The following HAS2 variants were observed in gnomAD, a reference collection of about 807,000 sequenced individuals.
HAS2 encodes the protein hyaluronan synthase 2, also known as HA synthase 2.
HAS2 carries 16 observed loss-of-function variants against 51.6 expected under a neutral mutation model. That is an observed-to-expected ratio of 0.31 (90% CI 0.21 to 0.47). HAS2 has a LOEUF of 0.47. Ranked by LOEUF, HAS2 falls within the 20% of genes least tolerant of loss-of-function variation. HAS2 has a pLI of 1.00. For synonymous variants in HAS2, 228 were observed against 235.5 expected, an observed-to-expected ratio of 0.97 and a Z score of 0.29; for missense variants, 361 against 662.6, an observed-to-expected ratio of 0.54 and a Z score of 5.00.
chr8:121,618,499 A>G (rs1812735766), intron 2 of HAS2, among the ~76,000 whole-genome samples: 1 of 152,190 alleles, frequency 6.6e-6, no homozygotes, highest in Non-Finnish European at 1.5e-5. Flanking sequence ...AAGGAATGAA[A>G]ACAGCTGGAA....
chr8:121,626,507 T>C (rs1053485821), intron 2 of HAS2, among the ~76,000 whole-genome samples: 1 of 152,194 alleles, frequency 6.6e-6, no homozygotes, highest in African/African-American at 2.4e-5. Flanking sequence ...TCTTGTGTAT[T>C]ACCACCTGAA....
Position 121,628,701 on chromosome 8 carries a change from T to G in HAS2, c.627+13A>C, listed in dbSNP as rs1812887187. On this transcript the variant is annotated intron_variant, in intron 2 of 3. Transcript: ENST00000303924. ...AAATGTATGTTTGCCCTGGCAGGAA[T>G]GTGGAGACCTACCTGTACATAATCC... 1 of 1,607,256 alleles carries G rather than the reference T, an allele frequency of 6.2e-7. No individual in the cohort carries two copies. The highest frequency in any genetic ancestry group is 1.3e-5 in the African/African-American group (1 of 74,650).
chr8:121,628,263 T>C (rs1469371719), intron 2 of HAS2, among the ~76,000 whole-genome samples: 1 of 152,158 alleles, frequency 6.6e-6, no homozygotes, highest in Non-Finnish European at 1.5e-5. Context: ...TTGCCTCATT[T>C]TGCAGTCTCT....
chr8:121,639,436 CG>C (rs1723808546), intron 1 of HAS2: 1 of 152,636 alleles, frequency 6.6e-6, no homozygotes, highest in Non-Finnish European at 1.5e-5. Flanking sequence ...CGTTCCCTCC[CG>C]TAGCTGGGCT....
chr8:121,613,937 A>G lies in HAS2; in HGVS notation c.*172T>C. 1 of 864,216 alleles carries G rather than the reference A, an allele frequency of 1.2e-6. No individual in the cohort carries two copies. Among genetic ancestry groups the G allele is most frequent in the Non-Finnish European group, 1.8e-6 (1 of 560,914 alleles). The allele number at this position is 864,216 out of a possible 1,614,324, so 53.5% of individuals were successfully genotyped here. ...GTTAAATCTGAGTTTCTTCTTGTTG[A>G]TGTATTGTTTTACTTTGGCAGAATG... On this transcript the variant is annotated 3_prime_UTR_variant, in exon 4 of 4. Coordinates refer to ENST00000303924, the MANE Select transcript of HAS2 (RefSeq NM_005328.3).
At chr8:121,618,984 C>G (rs1049610645) in intron 2 of HAS2, among the ~76,000 whole-genome samples, 5 of 151,222 alleles carry the variant, frequency 3.3e-5, no homozygotes, top group African/African-American at 2.4e-5. Flanking sequence ...AGGAAATTAA[C>G]CAATTAGTAG....
rs760413160 is a variant in HAS2 at position 121,613,995 on chromosome 8, T to C, written c.*114A>G. The stretch of plus-strand genomic sequence containing the variant: ...ACCCATATAAATGTCTTTGTTCAAG[T>C]CCCAGCAGCAGTGATATGTCTCCTT... On this transcript the variant is annotated 3_prime_UTR_variant, in exon 4 of 4. Coordinates refer to ENST00000303924, the MANE Select transcript of HAS2 (RefSeq NM_005328.3). The C allele has an allele frequency of 1.3e-6, 2 of 1,538,634 alleles. No homozygotes were observed. The highest frequency in any genetic ancestry group is 1.8e-6 in the Non-Finnish European group (2 of 1,125,710).
At chr8:121,638,502 C>T (rs921635633) in intron 1 of HAS2, among the ~76,000 whole-genome samples, 4 of 152,152 alleles carry the variant, frequency 2.6e-5, no homozygotes, top group African/African-American at 9.7e-5. Flanking sequence ...TTTCTATTTA[C>T]CCGACTCAGG....
intron 3 of HAS2, among the ~76,000 whole-genome samples, chr8:121,616,461 G>A (rs1413446705): frequency 7.0e-6 from 1 of 143,274 alleles, no homozygotes; most frequent in African/African-American, 2.6e-5. Context: ...TTTTGAGACT[G>A]GGTCTTACCC....
At chr8:121,632,958 CA>C (rs1249386583) in intron 1 of HAS2, among the ~76,000 whole-genome samples, 1 of 151,776 alleles carries the variant, frequency 6.6e-6, no homozygotes, top group East Asian at 1.9e-4. Flanking sequence ...TTGTTATAGT[CA>C]AAAAACTAGG....
Position 121,614,181 on chromosome 8 carries a change from C to A in HAS2, c.1587G>T (p.Leu529=). 1 of 1,614,164 alleles carries A rather than the reference C, an allele frequency of 6.2e-7. No individual in the cohort carries two copies. Among genetic ancestry groups the A allele is most frequent in the Middle Eastern group, 1.6e-4 (1 of 6,062 alleles). Residue 529 remains leucine (L), a synonymous_variant, in exon 4 of 4, where the codon CTG becomes CTT. Coordinates refer to ENST00000303924, the MANE Select transcript of HAS2 (RefSeq NM_005328.3). The surrounding 1 kb of genome is among the most constrained non-coding windows in gnomAD (Gnocchi z 7.2). The part of the protein sequence containing the change: ...YACYWVMLLT[L]YVVLINKCGR... ...CACACTTATTGATGAGAACTACATA[C>A]AGCGTCAAAAGCATGACCCAATAGC... is the stretch of plus-strand genomic sequence containing the variant.
chr8:121,625,260 TTAAGA>T (rs1201085167), intron 2 of HAS2, among the ~76,000 whole-genome samples: 2 of 152,096 alleles, frequency 1.3e-5, no homozygotes, highest in African/African-American at 4.8e-5. Context: ...GGGTATTTGT[TTAAGA>T]TAATTTTAAT....
chr8:121,613,657 T>C lies in HAS2; in HGVS notation c.*452A>G. On this transcript the variant is annotated 3_prime_UTR_variant, in exon 4 of 4. Transcript: ENST00000303924. Reference sequence around the variant, plus strand: ...AGCCAACGGCCTTTAAAACTTCCTTTGGCATTTCATTTGGTAAAGTTAAAA... The same window carrying C: ...AGCCAACGGCCTTTAAAACTTCCTTCGGCATTTCATTTGGTAAAGTTAAAA... 1 of 163,966 alleles carries C rather than the reference T, an allele frequency of 6.1e-6. No homozygotes were observed. Among genetic ancestry groups the C allele is most frequent in the Non-Finnish European group, 1.3e-5 (1 of 74,132 alleles). 10.2% of individuals were successfully genotyped at this position (163,966 alleles called of 1,614,324 possible). A position where few individuals can be genotyped will look rare whatever the true frequency, so the allele number is the denominator to read the frequency against.
At chr8:121,635,999 GT>G (rs1563624577) in intron 1 of HAS2, among the ~76,000 whole-genome samples, 2 of 152,296 alleles carry the variant, frequency 1.3e-5, no homozygotes, top group East Asian at 3.9e-4. Flanking sequence ...GATTAGGAAG[GT>G]ATGGTGAACA....
intron 3 of HAS2, among the ~76,000 whole-genome samples, chr8:121,616,423 C>CTTTTT (rs1812702155): frequency 6.7e-6 from 1 of 150,092 alleles, no homozygotes; most frequent in African/African-American, 2.5e-5. Context: ...ACTTCTATTT[C>CTTTTT]TTTTTTCTTT....
intron 2 of HAS2, among the ~76,000 whole-genome samples, chr8:121,623,526 A>G (rs1450271169): frequency 2.0e-5 from 3 of 152,300 alleles, no homozygotes; most frequent in African/African-American, 7.2e-5. Flanking sequence ...AGTGAGACAC[A>G]CGATAGTAAC....
intron 3 of HAS2, among the ~76,000 whole-genome samples, chr8:121,616,376 GTA>G (rs1430942880): frequency 6.8e-6 from 1 of 146,778 alleles, no homozygotes; most frequent in Non-Finnish European, 1.5e-5. Flanking sequence ...CATCCTTTAG[GTA>G]TATAGGTATA....
chr8:121,614,968 T>G lies in HAS2; in HGVS notation c.800A>C (p.Glu267Ala), dbSNP rs1320669096. 1 of 1,613,428 alleles carries G rather than the reference T, an allele frequency of 6.2e-7. No homozygotes were observed. ...SVRYWMAFNI[E>A]RACQSYFGCV... ...CCCAAAATAAGACTGACAGGCCCTT[T>G]CTATATTAAAAGCCATCCAATATCT... The change falls in exon 4 of 4, where the codon GAA (glutamate) becomes GCA (alanine). Residue 267 changes from glutamate to alanine, a missense_variant. By Grantham distance (107) the Glu-to-Ala change is moderately radical. This residue lies in a region of HAS2 where 49 missense variants were observed against 108.3 expected (regional missense o/e 0.45). Coordinates refer to ENST00000303924, the MANE Select transcript of HAS2 (RefSeq NM_005328.3). This position sits in a 1 kb window ranked among gnomAD's most constrained non-coding sequence, Gnocchi z 7.2.
chr8:121,629,962 T>G (rs538439602), intron 1 of HAS2, among the ~76,000 whole-genome samples: 27 of 152,272 alleles, frequency 1.8e-4, no homozygotes, highest in African/African-American at 6.3e-4. Flanking sequence ...CTCAGTTGTT[T>G]TGTAAAAATA....
Sources: allele counts gnomAD v4.1 joint callset (sites outside exome capture counted in the v4.1 genomes callset), GRCh38; gene constraint gnomAD v4.1.1; regional missense constraint gnomAD v4.1.1; non-coding constraint Gnocchi (gnomAD v3.1); transcripts MANE v1.5; gene names NCBI Gene and HGNC (gene_info 2026-07-23, HGNC 2026-07-21).